The following PDGFRL variants were observed in gnomAD, a reference collection of about 807,000 sequenced individuals.
The protein encoded by PDGFRL is platelet derived growth factor receptor like, also known as platelet-derived growth factor receptor-like protein.
In PDGFRL, 46 loss-of-function variants were observed where a neutral mutation model predicts 37.2. That is an observed-to-expected ratio of 1.24 (90% CI 0.98 to 1.58). The LOEUF (loss-of-function observed/expected upper bound fraction) is 1.58. PDGFRL is among the 40% of genes most tolerant of loss of function. PDGFRL has a pLI of 0.00. For missense variants in PDGFRL, 692 were observed against 467.6 expected (o/e 1.48, Z -4.43); for synonymous variants, 251 against 184.3 (o/e 1.36, Z -2.93).
rs963224569 is a variant in PDGFRL at position 17,634,365 on chromosome 8, G to C, written c.939+152G>C. ...GGGGCTATGTTGGGGGCCAGGTATT[G>C]TTTGTTTTTTTTGAAGATGTTTCGG... On this transcript the variant is annotated intron_variant, in intron 5 of 5. Coordinates refer to ENST00000251630, the MANE Select transcript of PDGFRL (RefSeq NM_001372073.1). 7 of 574,394 alleles carry C rather than the reference G, an allele frequency of 1.2e-5. No homozygotes were observed. The African/African-American group carries it at 1.4e-4, about 11-fold the overall frequency. 35.6% of individuals were successfully genotyped at this position (574,394 alleles called of 1,614,324 possible).
intron 3 of PDGFRL, among the ~76,000 whole-genome samples, chr8:17,625,064 T>G (rs1009531414): frequency 2.6e-5 from 4 of 152,122 alleles, no homozygotes; most frequent in Non-Finnish European, 4.4e-5. Context: ...TATGTATACA[T>G]GTGCCATGCT....
At chr8:17,632,146 A>T (rs1428463825) in intron 4 of PDGFRL, among the ~76,000 whole-genome samples, 1 of 152,158 alleles carries the variant, frequency 6.6e-6, no homozygotes, top group East Asian at 1.9e-4. Context: ...GCTGGAAGCC[A>T]AGCTAACCTC....
chr8:17,635,964 G>T (rs1253690797), intron 5 of PDGFRL, among the ~76,000 whole-genome samples: 1 of 152,018 alleles, frequency 6.6e-6, no homozygotes, highest in Non-Finnish European at 1.5e-5. Flanking sequence ...TTTTTGATGG[G>T]ATTGTTATTT....
At chr8:17,608,910 G>T (rs1376541356) in intron 2 of PDGFRL, among the ~76,000 whole-genome samples, 2 of 152,074 alleles carry the variant, frequency 1.3e-5, no homozygotes, top group African/African-American at 4.8e-5. Flanking sequence ...ATAAGATAGA[G>T]ACTTGTACAA....
intron 3 of PDGFRL, 90 bp downstream of exon 3, chr8:17,621,292 T>G: frequency 3.8e-6 from 3 of 789,676 alleles, no homozygotes; most frequent in Non-Finnish European, 6.0e-6. Flanking sequence ...GAATAGCAAA[T>G]AATGACAATC....
At chr8:17,633,870 C>G (rs539866055) in intron 4 of PDGFRL, among the ~76,000 whole-genome samples, 1 of 152,270 alleles carries the variant, frequency 6.6e-6, no homozygotes, top group East Asian at 1.9e-4. Flanking sequence ...GGTGCCTACC[C>G]CATTCCAGAC....
chr8:17,617,387 C>T (rs887697049), intron 2 of PDGFRL, among the ~76,000 whole-genome samples: 2 of 152,146 alleles, frequency 1.3e-5, no homozygotes, highest in Non-Finnish European at 2.9e-5. Flanking sequence ...CTTTCTCCAT[C>T]CCTGGGGATG....
chr8:17,628,751 CCGT>C lies in PDGFRL; in HGVS notation c.772_774del (p.Val258del), dbSNP rs1423338466. On this transcript the variant is annotated inframe_deletion, in exon 4 of 6. Transcript: ENST00000251630. ...GAGGCCGGGGGCAGATCTCAGATCT[CCGT>C]CAAGTACCAGCTGCTCTATGTGGCG... 1.9e-6 allele frequency: 3 copies of C among 1,613,940 alleles called. No individual in the cohort carries two copies. Among genetic ancestry groups the C allele is most frequent in the Admixed American group, 1.7e-5 (1 of 60,024 alleles).
At position 17,614,746 on chromosome 8, in the gene PDGFRL, T is replaced by G. The variant is rs148000162; in HGVS notation, c.354-6305T>G. Among the ~76,000 whole-genome samples, 153 of 152,244 alleles carry G rather than the reference T, an allele frequency of 1.0e-3. 2 individuals carry two copies. The East Asian group carries it at 0.012, about 12-fold the overall frequency. Reference sequence around the variant, plus strand: ...GGCTGGCATCGTGACATCCAGCTAATTTTTAACATTTTTGTAGAGATGGGG... The same window carrying G: ...GGCTGGCATCGTGACATCCAGCTAAGTTTTAACATTTTTGTAGAGATGGGG... On this transcript the variant is annotated intron_variant, in intron 2 of 5. Transcript: ENST00000251630.
chr8:17,616,169 A>ATTAT (rs58323480), intron 2 of PDGFRL, among the ~76,000 whole-genome samples: 24,713 of 144,076 alleles, frequency 0.17, 2,235 homozygotes, highest in East Asian at 0.22. Flanking sequence ...TATTATTGTT[A>ATTAT]TTATTTATTT....
intron 3 of PDGFRL, among the ~76,000 whole-genome samples, chr8:17,621,961 T>C (rs927927860): frequency 4.6e-5 from 7 of 152,296 alleles, no homozygotes; most frequent in African/African-American, 1.7e-4. Flanking sequence ...GCATGAGCCA[T>C]TCTGCTCAGC....
In PDGFRL at chr8:17,628,543, C is replaced by A; in HGVS notation, c.562C>A (p.Pro188Thr). ...CTACTTCGATGTTGTCTACTTGAACCCGGACAGACAGGCTGTGGTTCCTTG... is the reference window on the plus strand; with the variant it reads ...CTACTTCGATGTTGTCTACTTGAACACGGACAGACAGGCTGTGGTTCCTTG... ...PSYFDVVYLN[P>T]DRQAVVPCRV... The change falls in exon 4 of 6, where the codon CCG becomes ACG. Residue 188 changes from proline (P) to threonine (T), a missense_variant. Pro to Thr is a conservative substitution (Grantham distance 38, BLOSUM62 -1). Coordinates refer to ENST00000251630, the MANE Select transcript of PDGFRL (RefSeq NM_001372073.1). 2 of 1,613,892 alleles carry A rather than the reference C, an allele frequency of 1.2e-6. No homozygotes were observed. Among genetic ancestry groups the A allele is most frequent in the Non-Finnish European group, 1.7e-6 (2 of 1,179,798 alleles).
rs149808884 is a variant in PDGFRL, at chr8:17,589,659, A to G, written c.247A>G (p.Thr83Ala). The part of the protein sequence containing the change: ...DKGRFQKPAA[T>A]LSLLAGQTVE... ...AGGTCGCTTCCAGAAACCCGCCGCT[A>G]CCCTGAGTCTGCTGGCGGGGCAAAC... is the stretch of plus-strand genomic sequence containing the variant. Residue 83 changes from threonine (T) to alanine (A), a missense_variant, in exon 2 of 6, where the codon ACC becomes GCC. By Grantham distance (58) the Thr-to-Ala change is moderately conservative. Transcript: ENST00000251630. 67 of 1,613,786 alleles carry G rather than the reference A, an allele frequency of 4.2e-5. 1 individual carries two copies. Among genetic ancestry groups the G allele is most frequent in the Middle Eastern group, 3.3e-4 (2 of 6,060 alleles).
chr8:17,596,344 A>G, intron 2 of PDGFRL: 1 of 1,239,760 alleles, frequency 8.1e-7, no homozygotes, highest in Non-Finnish European at 1.0e-6. Context: ...CTCCGTGGGA[A>G]GAAGCCAACG....
chr8:17,588,134 A>C (rs927393143), intron 1 of PDGFRL, among the ~76,000 whole-genome samples: 13 of 134,066 alleles, frequency 9.7e-5, no homozygotes, highest in African/African-American at 3.2e-4. Flanking sequence ...TTTTATTATC[A>C]CTATTTGCCA....
In PDGFRL at chr8:17,580,325, GA is replaced by G. The variant is rs71517660; in HGVS notation, c.55+3027del. ...CTTTCGTGTCTTCGTTTATTTTTGAGAAAAAAAAAGAGTAAAAATTAGTACA... is the reference window on the plus strand; with the variant it reads ...CTTTCGTGTCTTCGTTTATTTTTGAGAAAAAAAAGAGTAAAAATTAGTACA... On this transcript the variant is annotated intron_variant, in intron 1 of 5. Transcript: ENST00000251630. 7.1e-3 allele frequency among the ~76,000 whole-genome samples: 1,059 copies of G among 149,190 alleles called. 19 individuals are homozygous for G. Among genetic ancestry groups the G allele is most frequent in the African/African-American group, 0.024 (974 of 40,728 alleles).
At chr8:17,610,759 A>T (rs945133894) in intron 2 of PDGFRL, among the ~76,000 whole-genome samples, 1 of 152,080 alleles carries the variant, frequency 6.6e-6, no homozygotes, top group Non-Finnish European at 1.5e-5. Flanking sequence ...AAACACACAA[A>T]AATTAGCCGG....
chr8:17,632,058 C>T (rs1804872931), intron 4 of PDGFRL, among the ~76,000 whole-genome samples: 1 of 152,232 alleles, frequency 6.6e-6, no homozygotes, highest in South Asian at 2.1e-4. Flanking sequence ...GGCCTCAGTG[C>T]CATCCTCCCT....
chr8:17,591,046 C>T (rs1375489915), intron 2 of PDGFRL, among the ~76,000 whole-genome samples: 3 of 152,036 alleles, frequency 2.0e-5, no homozygotes, highest in Non-Finnish European at 4.4e-5. Context: ...CCACGCCTGG[C>T]TAATTTTTTG....
Sources: allele counts gnomAD v4.1 joint callset (sites outside exome capture counted in the v4.1 genomes callset), GRCh38; gene constraint gnomAD v4.1.1; transcripts MANE v1.5; gene names NCBI Gene and HGNC (gene_info 2026-07-23, HGNC 2026-07-21).